Variants in PLCL1 observed in about 807,000 individuals in gnomAD.
PLCL1 encodes the protein phospholipase C like 1 (inactive), also known as inactive phospholipase C-like protein 1.
A neutral mutation model predicts 84.4 loss-of-function variants in PLCL1; 41 were observed. That is an observed-to-expected ratio of 0.49 (90% CI 0.38 to 0.63). PLCL1 has a LOEUF of 0.63. PLCL1 is among the 30% of genes least tolerant of loss of function. The probability of loss-of-function intolerance (pLI) is 0.00; values close to 1 mark genes in which losing one functional copy is unlikely to be tolerated. For missense variants in PLCL1, 1,206 were observed against 1,367.8 expected (o/e 0.88, Z 1.87); for synonymous variants, 490 against 488.3 (o/e 1.00, Z -0.05).
chr2:198,009,961 C>T (rs1690827857), intron 1 of PLCL1, among the ~76,000 whole-genome samples: 1 of 151,824 alleles, frequency 6.6e-6, no homozygotes, highest in Non-Finnish European at 1.5e-5. Context: ...GAATTATTTT[C>T]TTAATTTTCT....
At chr2:197,810,879 A>G (rs1690572086) in intron 1 of PLCL1, among the ~76,000 whole-genome samples, 1 of 151,932 alleles carries the variant, frequency 6.6e-6, no homozygotes, top group South Asian at 2.1e-4. Flanking sequence ...ATTTTAAAAA[A>G]CTATCCGACT....
At chr2:197,923,165 C>T (rs1355007729) in intron 1 of PLCL1, among the ~76,000 whole-genome samples, 88 of 144,220 alleles carry the variant, frequency 6.1e-4, no homozygotes, top group African/African-American at 2.1e-3. Flanking sequence ...CGGGCAGAGG[C>T]GCCCCTCACC....
Position 197,866,121 on chromosome 2 carries a change from T to C in PLCL1, c.240+60782T>C, listed in dbSNP as rs1174231719. Reference sequence around the variant, plus strand: ...TATATATATAAACTATATATATATATAAACTATATATATATATAAACTATA... The same window carrying C: ...TATATATATAAACTATATATATATACAAACTATATATATATATAAACTATA... On this transcript the variant is annotated intron_variant, in intron 1 of 5. Coordinates refer to ENST00000428675, the MANE Select transcript of PLCL1 (RefSeq NM_006226.4). Among the ~76,000 whole-genome samples the C allele has an allele frequency of 2.3e-3, 84 of 37,232 alleles. 17 individuals carry two copies. Among genetic ancestry groups the C allele is most frequent in the Non-Finnish European group, 3.0e-3 (69 of 23,146 alleles). 24.4% of individuals were successfully genotyped at this position (37,232 alleles called of 152,430 possible).
intron 1 of PLCL1, among the ~76,000 whole-genome samples, chr2:197,995,438 A>C (rs1690437806): frequency 6.6e-6 from 1 of 152,172 alleles, no homozygotes. Context: ...AAAGGAAAGC[A>C]ACAAGTAAAT....
intron 1 of PLCL1, among the ~76,000 whole-genome samples, chr2:197,872,078 A>G (rs1687659481): frequency 6.6e-6 from 1 of 152,168 alleles, no homozygotes; most frequent in Admixed American, 6.5e-5. Context: ...TTTTGTGAGT[A>G]ACTCGGACTA....
intron 1 of PLCL1, among the ~76,000 whole-genome samples, chr2:197,997,477 G>C (rs1690494445): frequency 6.6e-6 from 1 of 152,168 alleles, no homozygotes; most frequent in African/African-American, 2.4e-5. Flanking sequence ...CCTTCTTCTG[G>C]TTCTGAGACA....
At chr2:198,142,028 C>T (rs1694399952) in intron 5 of PLCL1, among the ~76,000 whole-genome samples, 1 of 152,094 alleles carries the variant, frequency 6.6e-6, no homozygotes, top group Admixed American at 6.6e-5. Context: ...CTTTTGTGTA[C>T]TAATATCACA....
intron 1 of PLCL1, among the ~76,000 whole-genome samples, chr2:197,996,135 G>C (rs1690460889): frequency 6.6e-6 from 1 of 152,040 alleles, no homozygotes; most frequent in East Asian, 1.9e-4. Flanking sequence ...GGAAAGGAGG[G>C]AGAAGAAAGA....
chr2:197,891,765 G>A lies in PLCL1; in HGVS notation c.240+86426G>A, dbSNP rs191818234. On this transcript the variant is annotated intron_variant, in intron 1 of 5. Transcript: ENST00000428675. ...AATAAATCAAACTAAGTGCTGGCCG[G>A]GCAGTGTTCAGTGCTTCCCAAACTT... Among the ~76,000 whole-genome samples, 334 of 152,086 alleles carry A rather than the reference G, an allele frequency of 2.2e-3. 3 individuals are homozygous for A. Among genetic ancestry groups the A allele is most frequent in the African/African-American group, 7.5e-3 (311 of 41,464 alleles).
intron 1 of PLCL1, among the ~76,000 whole-genome samples, chr2:197,883,869 G>T (rs899859837): frequency 1.7e-4 from 26 of 152,122 alleles, no homozygotes; most frequent in African/African-American, 6.3e-4. Context: ...ATAGGATTTT[G>T]CTACTGGGAA....
intron 1 of PLCL1, among the ~76,000 whole-genome samples, chr2:197,879,012 A>G (rs142444981): frequency 3.5e-4 from 54 of 152,328 alleles, no homozygotes; most frequent in African/African-American, 1.3e-3. Flanking sequence ...CATGGGAATA[A>G]CTGGCTGGAG....
chr2:198,135,972 T>C (rs1694246898), intron 5 of PLCL1, among the ~76,000 whole-genome samples: 1 of 152,190 alleles, frequency 6.6e-6, no homozygotes, highest in African/African-American at 2.4e-5. Flanking sequence ...ATGATGCCTT[T>C]TGGGATCCCC....
chr2:198,053,851 G>A (rs778205220), intron 1 of PLCL1, among the ~76,000 whole-genome samples: 1 of 152,202 alleles, frequency 6.6e-6, no homozygotes, highest in Non-Finnish European at 1.5e-5. Flanking sequence ...AGGGGAACTG[G>A]TTTGGGTGTA....
intron 5 of PLCL1, among the ~76,000 whole-genome samples, chr2:198,109,097 AGACT>A (rs1559108474): frequency 6.6e-6 from 1 of 151,798 alleles, no homozygotes; most frequent in African/African-American, 2.4e-5. Context: ...AAAATACCTG[AGACT>A]GGGTAATTTA....
intron 1 of PLCL1, among the ~76,000 whole-genome samples, chr2:197,840,613 C>A (rs774190927): frequency 6.6e-6 from 1 of 152,062 alleles, no homozygotes. Context: ...GATGAAAGGG[C>A]AAATCCTACT....
At chr2:197,886,903 C>A (rs1391112003) in intron 1 of PLCL1, among the ~76,000 whole-genome samples, 7 of 152,116 alleles carry the variant, frequency 4.6e-5, no homozygotes, top group Non-Finnish European at 7.4e-5. Context: ...ATCCAGGAAG[C>A]CTTAGGTTTT....
At chr2:197,873,619 A>G (rs747421704) in intron 1 of PLCL1, among the ~76,000 whole-genome samples, 6 of 152,178 alleles carry the variant, frequency 3.9e-5, no homozygotes, top group Non-Finnish European at 7.3e-5. Context: ...CATGAGTCAC[A>G]ACGCATGCAT....
At chr2:198,001,631 T>G (rs1460015051) in intron 1 of PLCL1, among the ~76,000 whole-genome samples, 1 of 152,128 alleles carries the variant, frequency 6.6e-6, no homozygotes, top group Non-Finnish European at 1.5e-5. Context: ...TTTTTTTCTG[T>G]GTAGTTGTGG....
Position 198,103,851 on chromosome 2 carries a change from A to C in PLCL1, c.3020A>C (p.His1007Pro), listed in dbSNP as rs202019878. ...KAGMEFHEEL[H>P]NLGAKEGLKG... is the part of the protein sequence containing the mutation. ...GGGATGGAGTTCCATGAAGAACTTC[A>C]TAATTTGGGGGCAAAAGAAGGCTTG... Residue 1007 changes from histidine to proline, a missense_variant, in exon 5 of 6, where the codon CAT becomes CCT. His to Pro is a moderately conservative substitution (Grantham distance 77). Coordinates refer to ENST00000428675, the MANE Select transcript of PLCL1 (RefSeq NM_006226.4). 29 of 1,604,600 alleles carry C rather than the reference A, an allele frequency of 1.8e-5. No individual in the cohort carries two copies. The highest frequency in any genetic ancestry group is 1.6e-5 in the Non-Finnish European group (19 of 1,174,632).
Sources: gnomAD v4.1 joint callset for allele counts (sites outside exome capture counted in the v4.1 genomes callset) on GRCh38, gnomAD v4.1.1 for gene constraint, MANE v1.5 for transcripts, NCBI Gene and HGNC (gene_info 2026-07-23, HGNC 2026-07-21) for gene names.